The following OSBPL7 variants were observed in gnomAD, a reference collection of about 807,000 sequenced individuals.
OSBPL7 encodes oxysterol binding protein like 7, also known as oxysterol-binding protein-related protein 7.
OSBPL7 carries 66 observed loss-of-function variants against 115.8 expected under a neutral mutation model. The ratio of observed to expected loss-of-function variants is 0.57; its 90% confidence interval spans 0.47 to 0.70. The LOEUF is 0.70. OSBPL7 is among the 30% of genes least tolerant of loss of function. OSBPL7 has a pLI of 0.00. For missense variants in OSBPL7, 902 were observed against 1,125.5 expected (o/e 0.80, Z 2.84); for synonymous variants, 441 against 439.2 (o/e 1.00, Z -0.05).
At chr17:47,817,054 C>T in intron 8 of OSBPL7, 182 bp from the exon 9 acceptor site, 2 of 721,236 alleles carry the variant, frequency 2.8e-6, no homozygotes, top group East Asian at 5.4e-5. Context: ...TGGAAGATGA[C>T]AGCCACCCTG....
chr17:47,819,867 C>A (rs918250052), intron 3 of OSBPL7, 85 bp from the exon 4 acceptor site: 34 of 1,609,542 alleles, frequency 2.1e-5, no homozygotes, highest in Admixed American at 5.0e-5. Flanking sequence ...ATTAGCTTTT[C>A]TTTTCCTTCT....
At position 47,813,344 on chromosome 17, in the gene OSBPL7, G is replaced by C; in HGVS notation, c.1659C>G (p.Cys553Trp). 6.2e-7 allele frequency: 1 copy of C among 1,614,102 alleles called. No individual in the cohort carries two copies. Among genetic ancestry groups the C allele is most frequent in the Non-Finnish European group, 8.5e-7 (1 of 1,180,034 alleles). The change falls in exon 16 of 23, where the codon TGC becomes TGG. Residue 553 changes from cysteine to tryptophan, a missense_variant. By Grantham distance (215) the Cys-to-Trp change is radical (BLOSUM62 -2). Coordinates refer to ENST00000007414, the MANE Select transcript of OSBPL7 (RefSeq NM_145798.3). ...AYSSTYHRAG[C>W]KPFNPVLGET... ...CCCCCAGGACAGGGTTGAAGGGCTT[G>C]CAGCCGGCTCGGTGGTATGTGGAGG...
Position 47,819,982 on chromosome 17 carries a change from C to A in OSBPL7, c.190G>T (p.Gly64Cys). 6.2e-7 allele frequency: 1 copy of A among 1,610,240 alleles called. No homozygotes were observed. Among genetic ancestry groups the A allele is most frequent in the South Asian group, 1.1e-5 (1 of 90,984 alleles). ...LLKKRKWPLK[G>C]WHKRYFVLED... Reference sequence around the variant, plus strand: ...CCTGCCCACCCTACCTTGTGCCAGCCCTTCAGAGGCCACTTCCTCTTCTTG... The same window carrying A: ...CCTGCCCACCCTACCTTGTGCCAGCACTTCAGAGGCCACTTCCTCTTCTTG... The change falls in exon 3 of 23, where the codon GGC (glycine) becomes TGC (cysteine). Residue 64 changes from glycine to cysteine, a missense_variant. This residue lies in a region of OSBPL7 where 667 missense variants were observed against 788.7 expected (regional missense o/e 0.85). Transcript: ENST00000007414.
At position 47,816,430 on chromosome 17, in the gene OSBPL7, T is replaced by C; in HGVS notation, c.981A>G (p.Gln327=). The C allele has an allele frequency of 1.3e-6, 2 of 1,542,710 alleles. No individual in the cohort carries two copies. The highest frequency in any genetic ancestry group is 1.8e-6 in the Non-Finnish European group (2 of 1,142,386). The stretch of plus-strand genomic sequence containing the variant: ...CTGAGCCCTGGTGCATGTCCCTCAG[T>C]TGGTCCCGTTCCATGGTGAGGGCGG... ...VLAALTMERD[Q]LRDMHQGSEL... is the part of the protein sequence containing the mutation. The change falls in exon 11 of 23, where the codon CAA becomes CAG. Residue 327 remains glutamine (Q), a synonymous_variant. Transcript: ENST00000007414. This position sits in a 1 kb window ranked among gnomAD's most constrained non-coding sequence, Gnocchi z 5.8.
In OSBPL7 at chr17:47,808,578, T is replaced by C. The variant is rs777939029; in HGVS notation, c.2380A>G (p.Met794Val). ...EQLQRDRRKVMEENNIVHQAR... is the reference protein window; with the variant it reads ...EQLQRDRRKVVEENNIVHQAR... ...TGGTGTACGATGTTGTTTTCCTCCA[T>C]GACTTTGCGCCTGTCTCGCTGCAGC... The change falls in exon 22 of 23, where the codon ATG becomes GTG. Residue 794 changes from methionine (M) to valine (V), a missense_variant. Transcript: ENST00000007414. This position sits in a 1 kb window ranked among gnomAD's most constrained non-coding sequence, Gnocchi z 6.1. 2 of 1,614,210 alleles carry C rather than the reference T, an allele frequency of 1.2e-6. No homozygotes were observed. The highest frequency in any genetic ancestry group is 1.7e-6 in the Non-Finnish European group (2 of 1,180,034).
Position 47,816,424 on chromosome 17 carries a change from C to T in OSBPL7, c.987G>A (p.Arg329=). 1 of 1,540,452 alleles carries T rather than the reference C, an allele frequency of 6.5e-7. No homozygotes were observed. The highest frequency in any genetic ancestry group is 8.8e-7 in the Non-Finnish European group (1 of 1,141,254). ...ACAACTCTGAGCCCTGGTGCATGTC[C>T]CTCAGTTGGTCCCGTTCCATGGTGA... The part of the protein sequence containing the change: ...AALTMERDQL[R]DMHQGSELSR... Residue 329 remains arginine (R), a synonymous_variant, in exon 11 of 23, where the codon AGG becomes AGA. Transcript: ENST00000007414. The surrounding 1 kb of genome is among the most constrained non-coding windows in gnomAD (Gnocchi z 5.8).
chr17:47,815,475 A>AAGGTGTCTGACT, intron 12 of OSBPL7, 123 bp from the exon 13 acceptor site: 1 of 1,285,066 alleles, frequency 7.8e-7, no homozygotes, highest in Non-Finnish European at 1.1e-6. Context: ...GCTGAGTCAG[A>AAGGTGTCTGACT]CACCTTCTGA....
rs199520896 is a variant in OSBPL7 at position 47,809,069 on chromosome 17, C to T, written c.2170+7G>A. 1.9e-5 allele frequency: 31 copies of T among 1,613,948 alleles called. No homozygotes were observed. The African/African-American group carries it at 3.5e-4, about 18-fold the overall frequency. On this transcript the variant is annotated splice_region_variant and intron_variant, in intron 20 of 22. Coordinates refer to ENST00000007414, the MANE Select transcript of OSBPL7 (RefSeq NM_145798.3). ...CTCACCCAGCCCTCTGTGACCCCTCCACTTACTGGGTTTCCAGATGCACTG... is the reference window on the plus strand; with the variant it reads ...CTCACCCAGCCCTCTGTGACCCCTCTACTTACTGGGTTTCCAGATGCACTG...
At chr17:47,820,118 G>T (rs888897792) in intron 2 of OSBPL7, 22 bp from the exon 3 acceptor site, 1 of 1,613,128 alleles carries the variant, frequency 6.2e-7, no homozygotes, top group Non-Finnish European at 8.5e-7. Flanking sequence ...GACAGAGGGA[G>T]GGGAGCACTG....
Position 47,808,663 on chromosome 17 carries a change from G to A in OSBPL7, c.2298-3C>T. The stretch of plus-strand genomic sequence containing the variant: ...GTATGTTCCCCTCCTCCAGGTACCT[G>A]AGGATCCAGATCAAACTCAGGGGAA... On this transcript the variant is annotated splice_region_variant and splice_polypyrimidine_tract_variant and intron_variant, in intron 21 of 22. Transcript: ENST00000007414. This position sits in a 1 kb window ranked among gnomAD's most constrained non-coding sequence, Gnocchi z 6.1. 1.9e-6 allele frequency: 3 copies of A among 1,614,116 alleles called. No homozygotes were observed. The highest frequency in any genetic ancestry group is 2.5e-6 in the Non-Finnish European group (3 of 1,180,000).
At chr17:47,815,143 CTG>C (rs2033170908) in intron 13 of OSBPL7, 70 bp downstream of exon 13, 1 of 1,550,982 alleles carries the variant, frequency 6.4e-7, no homozygotes, top group African/African-American at 1.4e-5. Flanking sequence ...TCTATGGTCT[CTG>C]TGGACCCCAC....
At position 47,814,624 on chromosome 17, in the gene OSBPL7, G is replaced by A. The variant is rs1436854310; in HGVS notation, c.1258-10C>T. 2 of 1,613,360 alleles carry A rather than the reference G, an allele frequency of 1.2e-6. No homozygotes were observed. The highest frequency in any genetic ancestry group is 2.2e-5 in the East Asian group (1 of 44,876). ...CCTCCTCCTCTGAGCCCTGGGCCAG[G>A]ACAGATGACAGGCCGGGCAGACTGG... On this transcript the variant is annotated splice_polypyrimidine_tract_variant and intron_variant, in intron 13 of 22. Transcript: ENST00000007414.
chr17:47,810,882 A>G, intron 16 of OSBPL7, 47 bp from the exon 17 acceptor site: 1 of 1,584,418 alleles, frequency 6.3e-7, no homozygotes, highest in Non-Finnish European at 8.6e-7. Context: ...GAGCACCATT[A>G]GGCTACCCCA....
At chr17:47,813,469 G>A (rs1286794054) in intron 15 of OSBPL7, 66 bp from the exon 16 acceptor site, 1 of 1,603,494 alleles carries the variant, frequency 6.2e-7, no homozygotes, top group African/African-American at 1.3e-5. Flanking sequence ...AGCAAAGTAT[G>A]GGATCTTGGG....
Position 47,808,412 on chromosome 17 carries a change from G to A in OSBPL7, c.2421-13C>T. ...ATCCGTCTGCCGCCTGGTGGGAGAA[G>A]GCGGTGGCAGTGAGGGGTGAACATC... On this transcript the variant is annotated splice_polypyrimidine_tract_variant and intron_variant, in intron 22 of 22. Transcript: ENST00000007414. The surrounding 1 kb of genome is among the most constrained non-coding windows in gnomAD (Gnocchi z 6.1). The A allele has an allele frequency of 6.2e-7, 1 of 1,614,066 alleles. No homozygotes were observed. The highest frequency in any genetic ancestry group is 8.5e-7 in the Non-Finnish European group (1 of 1,179,924).
In OSBPL7 at chr17:47,818,569, G is replaced by C; in HGVS notation, c.417C>G (p.Ala139=). 1 of 1,612,788 alleles carries C rather than the reference G, an allele frequency of 6.2e-7. No individual in the cohort carries two copies. Among genetic ancestry groups the C allele is most frequent in the South Asian group, 1.1e-5 (1 of 90,884 alleles). The change falls in exon 6 of 23, where the codon GCC becomes GCG. Residue 139 remains alanine (A), a synonymous_variant. Coordinates refer to ENST00000007414, the MANE Select transcript of OSBPL7 (RefSeq NM_145798.3). ...LFQSWVAQLR[A]HRLAHRLDMP... Reference sequence around the variant, plus strand: ...TGTCCAGGCGGTGGGCTAGGCGGTGGGCACGCAGCTGCGCCACCCAGCTCT... The same window carrying C: ...TGTCCAGGCGGTGGGCTAGGCGGTGCGCACGCAGCTGCGCCACCCAGCTCT...
Position 47,808,911 on chromosome 17 carries a change from C to CA in OSBPL7, c.2249dup (p.Lys751GlufsTer27). ...TGTCGGTGGAAGGCAGCGACCGTTT[C>CA]AGCTCTGCTGTCAGCTCATTCAGCT... On this transcript the variant is annotated frameshift_variant, in exon 21 of 23. Coordinates refer to ENST00000007414, the MANE Select transcript of OSBPL7 (RefSeq NM_145798.3). LOFTEE classifies it high-confidence loss of function. The surrounding 1 kb of genome is among the most constrained non-coding windows in gnomAD (Gnocchi z 6.1). The CA allele has an allele frequency of 6.2e-7, 1 of 1,614,216 alleles. No homozygotes were observed. The highest frequency in any genetic ancestry group is 8.5e-7 in the Non-Finnish European group (1 of 1,180,038).
intron 8 of OSBPL7, 81 bp downstream of exon 8, chr17:47,817,175 G>T: frequency 8.8e-7 from 1 of 1,138,952 alleles, no homozygotes; most frequent in Non-Finnish European, 1.3e-6. Flanking sequence ...CTGCAGCGAT[G>T]TAGGAGGAAT....
chr17:47,812,908 C>T (rs1254406930), intron 16 of OSBPL7, among the ~76,000 whole-genome samples: 1 of 152,188 alleles, frequency 6.6e-6, no homozygotes, highest in Non-Finnish European at 1.5e-5. Flanking sequence ...ATCTGGCCCA[C>T]CTTGTCTTCC....
Sources: gnomAD v4.1 joint callset for allele counts (sites outside exome capture counted in the v4.1 genomes callset) on GRCh38, gnomAD v4.1.1 for gene constraint, gnomAD v4.1.1 regional missense constraint, Gnocchi (gnomAD v3.1) non-coding constraint, MANE v1.5 for transcripts, NCBI Gene and HGNC (gene_info 2026-07-23, HGNC 2026-07-21) for gene names.